Variants in CLVS1 observed in about 807,000 individuals in gnomAD.
CLVS1 encodes the protein clavesin 1.
CLVS1 carries 10 observed loss-of-function variants against 33.1 expected under a neutral mutation model. The ratio of observed to expected loss-of-function variants is 0.30; its 90% confidence interval spans 0.19 to 0.51. The LOEUF is 0.51. CLVS1 is among the 20% of genes least tolerant of loss of function. The pLI, the probability that CLVS1 is intolerant of heterozygous loss-of-function variation, is 0.97. For missense variants in CLVS1, 343 were observed against 433.4 expected (o/e 0.79, Z 1.85); for synonymous variants, 163 against 166.1 (o/e 0.98, Z 0.14).
At chr8:60,978,580 C>T in the CLVS1 span, among the ~76,000 whole-genome samples, 14 of 151,902 alleles carry the variant, frequency 9.2e-5, no homozygotes, top group South Asian at 1.9e-3. Flanking sequence ...TTTGGAAGGC[C>T]GAGGCAGGCG....
intron 3 of CLVS1, among the ~76,000 whole-genome samples, chr8:61,434,694 C>T (rs1816249293): frequency 6.6e-6 from 1 of 152,130 alleles, no homozygotes; most frequent in Non-Finnish European, 1.5e-5. Context: ...AAGGAATGCT[C>T]AGGCTAAGAT....
chr8:61,451,735 G>A (rs1816964678), intron 3 of CLVS1, among the ~76,000 whole-genome samples: 1 of 151,932 alleles, frequency 6.6e-6, no homozygotes, highest in Non-Finnish European at 1.5e-5. Context: ...CAATAATGAT[G>A]TGTTGACCAT....
chr8:61,175,326 A>C lies in CLVS1; in HGVS notation c.-152+43466A>C, dbSNP rs75350650. Reference sequence around the variant, plus strand: ...AGCTGACTTGTGCTTCTATCATGTGAGGACACAGTGAGAAGGCACCATCTA... The same window carrying C: ...AGCTGACTTGTGCTTCTATCATGTGCGGACACAGTGAGAAGGCACCATCTA... On this transcript the variant is annotated intron_variant, in intron 2 of 2. Transcript: ENST00000522621. Among the ~76,000 whole-genome samples, 3,704 of 152,224 alleles carry C rather than the reference A, an allele frequency of 0.024. 292 individuals are homozygous for C. In the East Asian group the frequency reaches 0.27, roughly 11 times the overall value.
At chr8:61,237,606 G>A (rs925930206) in intron 2 of CLVS1, among the ~76,000 whole-genome samples, 2 of 152,154 alleles carry the variant, frequency 1.3e-5, no homozygotes, top group Non-Finnish European at 2.9e-5. Context: ...GAGGTAAAGT[G>A]AATTATCCTC....
At chr8:61,320,382 A>T (rs28406467) in intron 2 of CLVS1, among the ~76,000 whole-genome samples, 5,125 of 147,434 alleles carry the variant, frequency 0.035, 262 homozygotes, top group African/African-American at 0.11. Flanking sequence ...TAAGTTTGTT[A>T]AAAAAAAAAG....
chr8:61,283,465 A>G (rs1809715981), upstream of CLVS1, among the ~76,000 whole-genome samples: 1 of 152,216 alleles, frequency 6.6e-6, no homozygotes, highest in Non-Finnish European at 1.5e-5. Context: ...CACATCAAAT[A>G]CTGCCACCTT....
intron 5 of CLVS1, among the ~76,000 whole-genome samples, chr8:61,471,695 G>T (rs1224504449): frequency 1.3e-5 from 2 of 152,174 alleles, no homozygotes; most frequent in African/African-American, 4.8e-5. Flanking sequence ...AGCCAAGAGG[G>T]CTTTGTGGTT....
At chr8:61,498,447 G>A (rs909289153) in intron 5 of CLVS1, among the ~76,000 whole-genome samples, 2 of 152,164 alleles carry the variant, frequency 1.3e-5, no homozygotes, top group African/African-American at 4.8e-5. Context: ...TTACTTATTT[G>A]AACAATTTAA....
chr8:61,448,275 G>A (rs1390914579), intron 3 of CLVS1, among the ~76,000 whole-genome samples: 1 of 151,810 alleles, frequency 6.6e-6, no homozygotes, highest in East Asian at 1.9e-4. Context: ...GAATCTGTAG[G>A]TTTATGTTTC....
intron 1 of CLVS1, among the ~76,000 whole-genome samples, chr8:61,123,369 T>G (rs1805912622): frequency 6.6e-6 from 1 of 152,196 alleles, no homozygotes; most frequent in African/African-American, 2.4e-5. Flanking sequence ...TCAGTAACGT[T>G]GTGGCTATTT....
At chr8:61,128,508 G>C (rs899267676) in intron 1 of CLVS1, among the ~76,000 whole-genome samples, 5 of 152,024 alleles carry the variant, frequency 3.3e-5, no homozygotes, top group African/African-American at 1.2e-4. Flanking sequence ...CTTACTGCAA[G>C]CTCCTGCAAT....
chr8:61,392,060 A>G (rs1028358140), intron 3 of CLVS1, among the ~76,000 whole-genome samples: 3 of 152,222 alleles, frequency 2.0e-5, no homozygotes, highest in African/African-American at 7.2e-5. Context: ...CATTAGCCCA[A>G]GTATAATACA....
the CLVS1 span, among the ~76,000 whole-genome samples, chr8:60,997,882 T>C: frequency 6.6e-6 from 1 of 152,182 alleles, no homozygotes; most frequent in Non-Finnish European, 1.5e-5. Context: ...CAAGTGGAGT[T>C]CACTCAAAAA....
At chr8:61,356,610 T>G (rs1050485021) in intron 2 of CLVS1, among the ~76,000 whole-genome samples, 4 of 152,108 alleles carry the variant, frequency 2.6e-5, no homozygotes, top group African/African-American at 4.8e-5. Flanking sequence ...AAGGAAGGGA[T>G]CCAGTTTCAG....
intron 2 of CLVS1, among the ~76,000 whole-genome samples, chr8:61,311,382 C>T (rs892337218): frequency 6.6e-6 from 1 of 152,192 alleles, no homozygotes; most frequent in Non-Finnish European, 1.5e-5. Context: ...TCCACTTCAT[C>T]CAGGGCTCAG....
At chr8:61,093,407 G>T (rs1363810733) in intron 1 of CLVS1, among the ~76,000 whole-genome samples, 1 of 152,196 alleles carries the variant, frequency 6.6e-6, no homozygotes, top group Non-Finnish European at 1.5e-5. Flanking sequence ...AGTGAGGTGA[G>T]TGTGGGGGTC....
chr8:61,212,016 G>T (rs1807980030), intron 2 of CLVS1, among the ~76,000 whole-genome samples: 1 of 152,224 alleles, frequency 6.6e-6, no homozygotes, highest in Non-Finnish European at 1.5e-5. Context: ...GAGTATGGTT[G>T]TGCTGACACA....
At chr8:61,064,875 A>G (rs10808716) in intron 1 of CLVS1, among the ~76,000 whole-genome samples, 85,591 of 151,818 alleles carry the variant, frequency 0.56, 27,042 homozygotes, top group African/African-American at 0.86. Flanking sequence ...CTAATTTTTT[A>G]TATTTTTAGT....
chr8:61,004,784 G>A, the CLVS1 span, among the ~76,000 whole-genome samples: 8 of 152,292 alleles, frequency 5.3e-5, no homozygotes, highest in East Asian at 1.2e-3. Flanking sequence ...CCTGGGCCCC[G>A]CGGTGAGGGT....
Sources: gnomAD v4.1 joint callset for allele counts (sites outside exome capture counted in the v4.1 genomes callset) on GRCh38, gnomAD v4.1.1 for gene constraint, MANE v1.5 for transcripts, NCBI Gene and HGNC (gene_info 2026-07-23, HGNC 2026-07-21) for gene names.